Variants in MAIP1 observed in about 807,000 individuals in gnomAD.
MAIP1 encodes matrix AAA peptidase interacting protein 1.
A neutral mutation model predicts 31.2 loss-of-function variants in MAIP1; 28 were observed. That is an observed-to-expected ratio of 0.90 (90% CI 0.67 to 1.23). The LOEUF is 1.23. MAIP1 is among the 50% of genes most tolerant of loss of function. The pLI, the probability that MAIP1 is intolerant of heterozygous loss-of-function variation, is 0.00. For synonymous variants in MAIP1, 142 were observed against 142.3 expected, an observed-to-expected ratio of 1.00 and a Z score of 0.02; for missense variants, 339 against 356.0, an observed-to-expected ratio of 0.95 and a Z score of 0.38.
upstream of MAIP1, chr2:199,955,445 G>A (rs1320862839): frequency 6.2e-7 from 1 of 1,613,836 alleles, no homozygotes; most frequent in Non-Finnish European, 8.5e-7. Context: ...CTCCAGCCGG[G>A]GTACCGGGAG....
In MAIP1 at chr2:199,955,772, C is replaced by G; in HGVS notation, c.-27C>G. The G allele has an allele frequency of 6.6e-7, 1 of 1,508,008 alleles. No individual in the cohort carries two copies. Among genetic ancestry groups the G allele is most frequent in the Non-Finnish European group, 8.9e-7 (1 of 1,128,786 alleles). 93.4% of individuals were successfully genotyped at this position (1,508,008 alleles called of 1,614,324 possible). On this transcript the variant is annotated 5_prime_UTR_variant, in exon 1 of 5. Transcript: ENST00000392290. Reference sequence around the variant, plus strand: ...CGACTTCCTTTCCATACAGCACCGGCAGGCACCGGTGTGAAGGGTCATAAA... The same window carrying G: ...CGACTTCCTTTCCATACAGCACCGGGAGGCACCGGTGTGAAGGGTCATAAA...
At chr2:199,957,425 A>G (rs1238512039) in intron 1 of MAIP1, among the ~76,000 whole-genome samples, 1 of 152,130 alleles carries the variant, frequency 6.6e-6, no homozygotes, top group Non-Finnish European at 1.5e-5. Context: ...ACCACAATAG[A>G]AGTCAGAAAG....
Position 199,955,932 on chromosome 2 carries a change from G to A in MAIP1, c.134G>A (p.Cys45Tyr), listed in dbSNP as rs143660857. The A allele has an allele frequency of 6.2e-7, 1 of 1,601,668 alleles. No homozygotes were observed. Among genetic ancestry groups the A allele is most frequent in the South Asian group, 1.1e-5 (1 of 90,014 alleles). ...GCCACACTTTGCTACTTCTGCCGCTGTCGCCTCGGCTTGGGAGCGGCGTTA... is the reference window on the plus strand; with the variant it reads ...GCCACACTTTGCTACTTCTGCCGCTATCGCCTCGGCTTGGGAGCGGCGTTA... ...PSATLCYFCRCRLGLGAALFP... is the reference protein window; with the variant it reads ...PSATLCYFCRYRLGLGAALFP... The change falls in exon 1 of 5, where the codon TGT (cysteine) becomes TAT (tyrosine). Residue 45 changes from cysteine (C) to tyrosine (Y), a missense_variant. Coordinates refer to ENST00000392290, the MANE Select transcript of MAIP1 (RefSeq NM_001394955.1).
chr2:199,957,572 G>T (rs900823666), intron 1 of MAIP1, among the ~76,000 whole-genome samples: 2 of 152,096 alleles, frequency 1.3e-5, no homozygotes, highest in African/African-American at 4.8e-5. Context: ...ATGGCCATTT[G>T]TATTTATAAG....
In MAIP1 at chr2:199,961,902, T is replaced by C. The variant is rs201092557; in HGVS notation, c.771T>C (p.Thr257=). The C allele has an allele frequency of 1.3e-5, 21 of 1,613,326 alleles. No individual in the cohort carries two copies. In the East Asian group the frequency reaches 2.2e-4, roughly 17 times the overall value. The change falls in exon 4 of 5, where the codon ACT becomes ACC. Residue 257 remains threonine, a synonymous_variant. Coordinates refer to ENST00000392290, the MANE Select transcript of MAIP1 (RefSeq NM_001394955.1). Reference sequence around the variant, plus strand: ...AGTTGGGGAATCAGAATGTGGAAACTAAACAACTTCTTAGTGCAAGCTATG... The same window carrying C: ...AGTTGGGGAATCAGAATGTGGAAACCAAACAACTTCTTAGTGCAAGCTATG... ...QVKLGNQNVE[T]KQLLSASYEF...
At chr2:199,955,377 C>T (rs771756428), upstream of MAIP1, 3 of 1,612,252 alleles carry the variant, frequency 1.9e-6, no homozygotes, top group East Asian at 4.5e-5. Flanking sequence ...GGTTCTGCCC[C>T]GCGCGAGGGC....
In MAIP1 at chr2:199,959,244, ACTTCC is replaced by A; in HGVS notation, c.451-20_451-16del. The A allele has an allele frequency of 7.9e-7, 1 of 1,271,526 alleles. No individual in the cohort carries two copies. The highest frequency in any genetic ancestry group is 1.2e-6 in the Non-Finnish European group (1 of 868,348). The allele number at this position is 1,271,526 out of a possible 1,614,324, so 78.8% of individuals were successfully genotyped here. On this transcript the variant is annotated intron_variant, in intron 1 of 4. Coordinates refer to ENST00000392290, the MANE Select transcript of MAIP1 (RefSeq NM_001394955.1). ...GGTATTTTGAAATAATAATCCCCAC[ACTTCC>A]CTTAATATTTTTTTCAAGGCTTTTG...
In MAIP1 at chr2:199,963,973, C is replaced by T. The variant is rs2077649587; in HGVS notation, c.*162C>T. The T allele has an allele frequency of 2.3e-6, 1 of 434,280 alleles. No homozygotes were observed. The highest frequency in any genetic ancestry group is 2.0e-5 in the African/African-American group (1 of 49,586). 26.9% of individuals were successfully genotyped at this position (434,280 alleles called of 1,614,324 possible). ...GTATATTGGCATGATACAGTAAAAGCATTTTCCACAGATTGTTATCACCTT... is the reference window on the plus strand; with the variant it reads ...GTATATTGGCATGATACAGTAAAAGTATTTTCCACAGATTGTTATCACCTT... On this transcript the variant is annotated 3_prime_UTR_variant, in exon 5 of 5. Coordinates refer to ENST00000392290, the MANE Select transcript of MAIP1 (RefSeq NM_001394955.1).
At chr2:199,962,757 G>C (rs1330060683) in intron 4 of MAIP1, among the ~76,000 whole-genome samples, 1 of 152,190 alleles carries the variant, frequency 6.6e-6, no homozygotes, top group Non-Finnish European at 1.5e-5. Context: ...TAGAGGTTCA[G>C]ATACAAAGTT....
At chr2:199,956,398 CTT>C (rs2077604768) in intron 1 of MAIP1, 150 bp downstream of exon 1, 1 of 725,062 alleles carries the variant, frequency 1.4e-6, no homozygotes, top group Admixed American at 2.4e-5. Flanking sequence ...CATTGCTTGA[CTT>C]AAAGTAAGCT....
At chr2:199,956,629 A>G (rs902992484) in intron 1 of MAIP1, among the ~76,000 whole-genome samples, 1 of 152,256 alleles carries the variant, frequency 6.6e-6, no homozygotes, top group Non-Finnish European at 1.5e-5. Flanking sequence ...GGGCAAGACA[A>G]TGCCTGGCAC....
intron 1 of MAIP1, among the ~76,000 whole-genome samples, chr2:199,957,309 A>G (rs1161030473): frequency 6.6e-6 from 1 of 152,048 alleles, no homozygotes; most frequent in Admixed American, 6.6e-5. Flanking sequence ...GGAGAATTGC[A>G]TGAACCCGGG....
chr2:199,963,588 CTTTTT>C (rs894113915), intron 4 of MAIP1, 140 bp from the exon 5 acceptor site: 3 of 479,914 alleles, frequency 6.3e-6, no homozygotes, highest in Admixed American at 3.9e-5. Flanking sequence ...GTAGGTTAAA[CTTTTT>C]TTTGTTTTGA....
upstream of MAIP1, chr2:199,955,414 G>A: frequency 6.2e-7 from 1 of 1,613,864 alleles, no homozygotes; most frequent in Non-Finnish European, 8.5e-7. Flanking sequence ...GGTGCTGCAT[G>A]AACTGCTCCC....
rs771891354 is a variant in MAIP1 at position 199,959,256 on chromosome 2, A to AT, written c.451-5dup. On this transcript the variant is annotated splice_polypyrimidine_tract_variant and intron_variant, in intron 1 of 4. Transcript: ENST00000392290. ...TAATAATCCCCACACTTCCCTTAAT[A>AT]TTTTTTTCAAGGCTTTTGCTCATGT... 8.2e-6 allele frequency: 12 copies of AT among 1,470,542 alleles called. No individual in the cohort carries two copies. The highest frequency in any genetic ancestry group is 2.8e-5 in the African/African-American group (2 of 72,094). 91.1% of individuals were successfully genotyped at this position (1,470,542 alleles called of 1,614,324 possible).
chr2:199,956,442 G>C (rs950991447), intron 1 of MAIP1, among the ~76,000 whole-genome samples, 194 bp downstream of exon 1: 1 of 152,162 alleles, frequency 6.6e-6, no homozygotes, highest in Non-Finnish European at 1.5e-5. Flanking sequence ...CACGCCTGTA[G>C]TCTCAGCTAC....
At chr2:199,957,481 T>G (rs1176561849) in intron 1 of MAIP1, among the ~76,000 whole-genome samples, 1 of 152,258 alleles carries the variant, frequency 6.6e-6, no homozygotes. Context: ...ACCATGCTAT[T>G]GGTGTAATCA....
chr2:199,963,234 A>G (rs1305451149), intron 4 of MAIP1, among the ~76,000 whole-genome samples: 1 of 152,178 alleles, frequency 6.6e-6, no homozygotes, highest in Non-Finnish European at 1.5e-5. Context: ...CTTCATAAAC[A>G]TTGTTATTTT....
At chr2:199,955,540 C>T, upstream of MAIP1, 1 of 1,555,648 alleles carries the variant, frequency 6.4e-7, no homozygotes. Context: ...GCGCCATCCG[C>T]CCGGAAACAC....
Sources: allele counts gnomAD v4.1 joint callset (sites outside exome capture counted in the v4.1 genomes callset), GRCh38; gene constraint gnomAD v4.1.1; transcripts MANE v1.5; gene names NCBI Gene and HGNC (gene_info 2026-07-23, HGNC 2026-07-21).